The following UIMC1 variants were observed in gnomAD, a reference collection of about 807,000 sequenced individuals.
UIMC1 encodes the protein BRCA1-A complex subunit RAP80.
In UIMC1, 42 loss-of-function variants were observed where a neutral mutation model predicts 84.9. That is an observed-to-expected ratio of 0.49 (90% CI 0.39 to 0.64). The LOEUF (loss-of-function observed/expected upper bound fraction) is 0.64, where lower values mean the gene tolerates loss of function less well. UIMC1 is among the 30% of genes least tolerant of loss of function. The pLI is 0.00. For missense variants in UIMC1, 825 were observed against 847.6 expected (o/e 0.97, Z 0.33); for synonymous variants, 281 against 293.0 (o/e 0.96, Z 0.42).
At chr5:176,944,027 A>G (rs1025623729) in intron 9 of UIMC1, among the ~76,000 whole-genome samples, 2 of 152,222 alleles carry the variant, frequency 1.3e-5, no homozygotes, top group South Asian at 4.1e-4. Flanking sequence ...CACATTTTGC[A>G]TATCAACAGC....
chr5:176,955,078 A>T (rs137880036), intron 8 of UIMC1, among the ~76,000 whole-genome samples: 1 of 152,322 alleles, frequency 6.6e-6, no homozygotes, highest in East Asian at 1.9e-4. Context: ...GAAAAGCCAG[A>T]AAGGAAAATA....
At chr5:177,020,603 T>C (rs1775768729) in intron 1 of UIMC1, among the ~76,000 whole-genome samples, 1 of 152,110 alleles carries the variant, frequency 6.6e-6, no homozygotes, top group Non-Finnish European at 1.5e-5. Flanking sequence ...GCTAATTTTT[T>C]TGTATTTTTA....
At chr5:176,986,969 C>T (rs1772118982) in intron 1 of UIMC1, among the ~76,000 whole-genome samples, 1 of 152,132 alleles carries the variant, frequency 6.6e-6, no homozygotes, top group African/African-American at 2.4e-5. Flanking sequence ...CTTGTAATCC[C>T]AGCACTTCAG....
chr5:176,909,985 CAATG>C (rs745475479), intron 11 of UIMC1, among the ~76,000 whole-genome samples: 1 of 152,158 alleles, frequency 6.6e-6, no homozygotes, highest in Non-Finnish European at 1.5e-5. Flanking sequence ...GCACCTAGCA[CAATG>C]ACTGGCACAT....
At chr5:177,000,566 T>C (rs1774308883) in intron 1 of UIMC1, among the ~76,000 whole-genome samples, 1 of 145,088 alleles carries the variant, frequency 6.9e-6, no homozygotes, top group African/African-American at 2.6e-5. Flanking sequence ...AATGGCACAA[T>C]CTCGGCTCAC....
intron 1 of UIMC1, among the ~76,000 whole-genome samples, chr5:176,986,292 GGA>G (rs980260202): frequency 1.4e-5 from 2 of 142,540 alleles, no homozygotes; most frequent in African/African-American, 5.2e-5. Context: ...CTCAGGAGGT[GGA>G]GATTGCAGTG....
intron 10 of UIMC1, among the ~76,000 whole-genome samples, chr5:176,928,844 G>C (rs1762715914): frequency 6.6e-6 from 1 of 152,072 alleles, no homozygotes; most frequent in Non-Finnish European, 1.5e-5. Context: ...CCAGCTACTT[G>C]GGAGGCTGAG....
At chr5:177,022,194 T>C (rs1287643057) in intron 1 of UIMC1, among the ~76,000 whole-genome samples, 1 of 152,012 alleles carries the variant, frequency 6.6e-6, no homozygotes, top group Non-Finnish European at 1.5e-5. Context: ...CTATTAGCCA[T>C]TCGAGTGAAC....
chr5:176,960,539 T>A (rs1230876937), intron 6 of UIMC1, among the ~76,000 whole-genome samples: 1 of 151,158 alleles, frequency 6.6e-6, no homozygotes, highest in African/African-American at 2.4e-5. Flanking sequence ...CCTGGAGAAA[T>A]AATATGTTAA....
intron 11 of UIMC1, 53 bp downstream of exon 11, chr5:176,911,258 C>A: frequency 6.9e-7 from 1 of 1,459,496 alleles, no homozygotes; most frequent in South Asian, 1.4e-5. Flanking sequence ...TTTATTCAGT[C>A]CAAACGATGG....
In UIMC1 at chr5:176,983,878, C is replaced by T. The variant is rs191521537; in HGVS notation, c.-8-1255G>A. Among the ~76,000 whole-genome samples, 1,303 of 149,996 alleles carry T rather than the reference C, an allele frequency of 8.7e-3. 7 individuals carry two copies. The highest frequency in any genetic ancestry group is 0.023 in the South Asian group (108 of 4,676). ...GGAGGAAGTGAGGAGTGCCTCTGCC[C>T]GGCCGCCACCCCATCTGGGATGTGA... On this transcript the variant is annotated intron_variant, in intron 1 of 14. Transcript: ENST00000511320.
At chr5:176,976,640 T>C (rs1770117641) in intron 2 of UIMC1, among the ~76,000 whole-genome samples, 1 of 152,218 alleles carries the variant, frequency 6.6e-6, no homozygotes, top group Non-Finnish European at 1.5e-5. Context: ...GAAATGAATG[T>C]ACCTTGAAAA....
At chr5:176,951,691 C>T (rs1765902628) in intron 8 of UIMC1, 114 bp from the exon 9 acceptor site, 1 of 657,064 alleles carries the variant, frequency 1.5e-6, no homozygotes, top group East Asian at 2.9e-5. Context: ...ACTGTGGTGG[C>T]AATATATTAA....
intron 1 of UIMC1, among the ~76,000 whole-genome samples, chr5:176,991,035 T>A (rs1671966519): frequency 2.0e-5 from 3 of 151,826 alleles, no homozygotes. Flanking sequence ...TGAGACAGAG[T>A]CTCGCTCTTT....
At chr5:177,017,523 G>A (rs1775697947) in intron 1 of UIMC1, among the ~76,000 whole-genome samples, 1 of 152,132 alleles carries the variant, frequency 6.6e-6, no homozygotes, top group Admixed American at 6.5e-5. Flanking sequence ...GAGTAGCTGG[G>A]ATTACAGGCT....
rs182189412 is a variant in UIMC1 at position 176,948,359 on chromosome 5, T to C, written c.1443+3115A>G. Among the ~76,000 whole-genome samples, 293 of 152,246 alleles carry C rather than the reference T, an allele frequency of 1.9e-3. 2 individuals carry two copies. The highest frequency in any genetic ancestry group is 3.1e-3 in the Non-Finnish European group (214 of 68,006). On this transcript the variant is annotated intron_variant, in intron 9 of 14. Coordinates refer to ENST00000511320, the MANE Select transcript of UIMC1 (RefSeq NM_001199298.2). ...AGTAATATATTACAAAGCAGTAAAA[T>C]AATATGACTTTCCACATGATACTTC...
chr5:176,974,337 T>G (rs1337413320), intron 3 of UIMC1, among the ~76,000 whole-genome samples: 6 of 152,034 alleles, frequency 3.9e-5, no homozygotes, highest in African/African-American at 1.4e-4. Flanking sequence ...TGATTGGATA[T>G]CCATATGGGA....
intron 1 of UIMC1, among the ~76,000 whole-genome samples, chr5:177,021,130 T>C (rs1003249506): frequency 2.6e-5 from 4 of 151,876 alleles, no homozygotes; most frequent in East Asian, 1.9e-4. Context: ...ATATAAAAAT[T>C]AGCTGGGTGC....
intron 1 of UIMC1, among the ~76,000 whole-genome samples, chr5:176,988,325 G>A (rs1200227613): frequency 2.6e-5 from 4 of 152,128 alleles, no homozygotes; most frequent in East Asian, 3.9e-4. Flanking sequence ...GTAAAATGGT[G>A]TAGCCACTAT....
Sources: allele counts gnomAD v4.1 joint callset (sites outside exome capture counted in the v4.1 genomes callset), GRCh38; gene constraint gnomAD v4.1.1; transcripts MANE v1.5; gene names NCBI Gene and HGNC (gene_info 2026-07-23, HGNC 2026-07-21).